Variants in PSMD12 observed in about 807,000 individuals in gnomAD.
PSMD12 encodes 26S proteasome non-ATPase regulatory subunit 12.
PSMD12 carries 8 observed loss-of-function variants against 62.9 expected under a neutral mutation model. The observed-to-expected ratio is 0.13, with a 90% CI of 0.07 to 0.23. PSMD12 has a LOEUF of 0.23. Among genes scored for constraint, PSMD12 ranks in the 10% least tolerant of loss-of-function variants. The probability of loss-of-function intolerance (pLI) is 1.00; values close to 1 mark genes in which losing one functional copy is unlikely to be tolerated. For synonymous variants in PSMD12, 173 were observed against 187.4 expected, an observed-to-expected ratio of 0.92 and a Z score of 0.63; for missense variants, 424 against 550.2, an observed-to-expected ratio of 0.77 and a Z score of 2.29.
At chr17:67,349,493 C>T (rs1278629885) in intron 4 of PSMD12, among the ~76,000 whole-genome samples, 1 of 152,112 alleles carries the variant, frequency 6.6e-6, no homozygotes, top group African/African-American at 2.4e-5. Flanking sequence ...GCTTTGAGAA[C>T]CTAAATATGA....
intron 1 of PSMD12, among the ~76,000 whole-genome samples, chr17:67,358,161 G>A (rs955353400): frequency 6.6e-5 from 10 of 152,052 alleles, no homozygotes; most frequent in Non-Finnish European, 8.8e-5. Context: ...GACCTCAAGC[G>A]ATCATCCCAC....
chr17:67,339,922 T>C lies in PSMD12; in HGVS notation c.*921A>G, dbSNP rs944097233. The C allele has an allele frequency of 4.0e-5, 6 of 151,854 alleles. No individual in the cohort carries two copies. Among genetic ancestry groups the C allele is most frequent in the African/African-American group, 1.4e-4 (6 of 41,438 alleles). 9.4% of individuals were successfully genotyped at this position (151,854 alleles called of 1,614,324 possible). ...ATTTTTTTAAAGCATTAAAAAAAAT[T>C]AGGTTATCCAGTGTTCATATAATGG... On this transcript the variant is annotated 3_prime_UTR_variant, in exon 11 of 11. Coordinates refer to ENST00000356126, the MANE Select transcript of PSMD12 (RefSeq NM_002816.5).
At position 67,366,565 on chromosome 17, in the gene PSMD12, A is replaced by T. The variant is rs2042182528; in HGVS notation, c.-46T>A. Reference sequence around the variant, plus strand: ...TTGCTGTCCCCCTGCTTCGGCCACCACTCGTCACCCACACCGGAAGTTGCC... The same window carrying T: ...TTGCTGTCCCCCTGCTTCGGCCACCTCTCGTCACCCACACCGGAAGTTGCC... On this transcript the variant is annotated 5_prime_UTR_variant, in exon 1 of 11. Transcript: ENST00000356126. The T allele has an allele frequency of 6.5e-7, 1 of 1,532,774 alleles. No individual in the cohort carries two copies. Among genetic ancestry groups the T allele is most frequent in the East Asian group, 2.4e-5 (1 of 42,236 alleles). The allele number at this position is 1,532,774 out of a possible 1,614,324, so 94.9% of individuals were successfully genotyped here.
chr17:67,343,409 C>G (rs1279238909), intron 9 of PSMD12, among the ~76,000 whole-genome samples: 4 of 152,126 alleles, frequency 2.6e-5, no homozygotes, highest in Admixed American at 2.6e-4. Flanking sequence ...CCTTACTAGT[C>G]TTCTCTAGTC....
At chr17:67,353,657 T>A (rs1173139209) in intron 3 of PSMD12, among the ~76,000 whole-genome samples, 2 of 152,158 alleles carry the variant, frequency 1.3e-5, no homozygotes, top group African/African-American at 4.8e-5. Flanking sequence ...AAGCAAAAAA[T>A]AAATTTCGTA....
intron 9 of PSMD12, among the ~76,000 whole-genome samples, chr17:67,342,839 G>A (rs1567951803): frequency 1.1e-5 from 1 of 92,122 alleles, no homozygotes; most frequent in Non-Finnish European, 2.4e-5. Context: ...AGGAAGCTGA[G>A]GGGGGAGAAT....
chr17:67,351,049 T>C (rs1372721406), intron 3 of PSMD12, among the ~76,000 whole-genome samples: 1 of 152,172 alleles, frequency 6.6e-6, no homozygotes, highest in African/African-American at 2.4e-5. Flanking sequence ...GTCCCATCAT[T>C]TGCCAATGTT....
In PSMD12 at chr17:67,338,819, T is replaced by C. The variant is rs1160352911; in HGVS notation, c.*2024A>G. ...GTGAGCCGAGATCGTGACACTGCAATCCAGCCTGGGCAACAAGAGTGAAAC... is the reference window on the plus strand; with the variant it reads ...GTGAGCCGAGATCGTGACACTGCAACCCAGCCTGGGCAACAAGAGTGAAAC... On this transcript the variant is annotated 3_prime_UTR_variant, in exon 11 of 11. Transcript: ENST00000356126. 6.6e-6 allele frequency: 1 copy of C among 151,892 alleles called. No homozygotes were observed. Among genetic ancestry groups the C allele is most frequent in the Non-Finnish European group, 1.5e-5 (1 of 68,018 alleles). The allele number at this position is 151,892 out of a possible 1,614,324, so 9.4% of individuals were successfully genotyped here.
At chr17:67,364,841 T>G (rs2042164368) in intron 1 of PSMD12, among the ~76,000 whole-genome samples, 1 of 152,200 alleles carries the variant, frequency 6.6e-6, no homozygotes, top group South Asian at 2.1e-4. Flanking sequence ...GCAAAGATTA[T>G]CTGAAGGTGA....
chr17:67,358,366 G>C (rs1336200362), intron 1 of PSMD12, among the ~76,000 whole-genome samples: 1 of 151,764 alleles, frequency 6.6e-6, no homozygotes, highest in Non-Finnish European at 1.5e-5. Flanking sequence ...TCAGGAGTTC[G>C]AGACCAGGCT....
intron 7 of PSMD12, 51 bp downstream of exon 7, chr17:67,347,065 A>G: frequency 6.5e-7 from 1 of 1,536,660 alleles, no homozygotes; most frequent in Non-Finnish European, 8.8e-7. Flanking sequence ...AAAAAAAGCA[A>G]ATTACTCTTC....
At chr17:67,366,179 A>G (rs2042177063) in intron 1 of PSMD12, among the ~76,000 whole-genome samples, 1 of 152,218 alleles carries the variant, frequency 6.6e-6, no homozygotes, top group Admixed American at 6.5e-5. Flanking sequence ...CCTAAGTCCC[A>G]CGGAGGGAAG....
At position 67,340,818 on chromosome 17, in the gene PSMD12, A is replaced by C; in HGVS notation, c.*25T>G. ...CTTTTTTTAATGACTTCCAATTTTA[A>C]CTTTTTTCTAAAGCACTAAGACCCT... On this transcript the variant is annotated 3_prime_UTR_variant, in exon 11 of 11. Transcript: ENST00000356126. 1.3e-6 allele frequency: 2 copies of C among 1,504,438 alleles called. No individual in the cohort carries two copies. Among genetic ancestry groups the C allele is most frequent in the Non-Finnish European group, 1.8e-6 (2 of 1,123,480 alleles). 93.2% of individuals were successfully genotyped at this position (1,504,438 alleles called of 1,614,324 possible).
rs35353017 is a variant in PSMD12, at chr17:67,356,557, C to CAAAAAAAAAAAA, written c.297+734_297+745dup. 2.7e-4 allele frequency among the ~76,000 whole-genome samples: 4 copies of CAAAAAAAAAAAA among 14,992 alleles called. 1 individual carries two copies. Among genetic ancestry groups the CAAAAAAAAAAAA allele is most frequent in the Non-Finnish European group, 1.7e-4 (1 of 5,832 alleles). The allele number at this position is 14,992 out of a possible 152,430, so 9.8% of individuals were successfully genotyped here. On this transcript the variant is annotated intron_variant, in intron 3 of 10. Coordinates refer to ENST00000356126, the MANE Select transcript of PSMD12 (RefSeq NM_002816.5). ...TGGGCGACAGAGCGAGACTCCGTCT[C>CAAAAAAAAAAAA]AAAAAAAAAAAAAAAAAAAAAAAAA...
intron 1 of PSMD12, among the ~76,000 whole-genome samples, chr17:67,365,505 T>C (rs1428128259): frequency 1.3e-5 from 2 of 152,216 alleles, no homozygotes; most frequent in Non-Finnish European, 1.5e-5. Context: ...GTTATCTGTC[T>C]GGCATTGGAG....
intron 1 of PSMD12, among the ~76,000 whole-genome samples, chr17:67,361,818 C>T (rs748825208): frequency 1.8e-4 from 24 of 135,530 alleles, no homozygotes; most frequent in African/African-American, 6.7e-4. Context: ...ACCAGCTACT[C>T]AGAAAGCTGA....
chr17:67,343,425 T>C (rs1247568140), intron 9 of PSMD12, among the ~76,000 whole-genome samples: 1 of 152,088 alleles, frequency 6.6e-6, no homozygotes, highest in Admixed American at 6.6e-5. Context: ...TAGTCTCCTA[T>C]CTCTCCAAAT....
At chr17:67,351,580 G>A (rs1255162385) in intron 3 of PSMD12, among the ~76,000 whole-genome samples, 1 of 151,878 alleles carries the variant, frequency 6.6e-6, no homozygotes, top group Admixed American at 6.6e-5. Context: ...TGTTGTGGAG[G>A]TGGTTTTATT....
chr17:67,345,052 C>A (rs1388590783), intron 8 of PSMD12, among the ~76,000 whole-genome samples: 1 of 152,114 alleles, frequency 6.6e-6, no homozygotes, highest in Non-Finnish European at 1.5e-5. Context: ...ATGAAACAAA[C>A]AGAAATAAGA....
Sources: allele counts gnomAD v4.1 joint callset (sites outside exome capture counted in the v4.1 genomes callset), GRCh38; gene constraint gnomAD v4.1.1; transcripts MANE v1.5; gene names NCBI Gene and HGNC (gene_info 2026-07-23, HGNC 2026-07-21).